MMP26: variants seen among roughly 807,000 people sequenced by gnomAD.
The protein encoded by MMP26 is matrix metalloproteinase-26.
A neutral mutation model predicts 31.0 loss-of-function variants in MMP26; 33 were observed. The ratio of observed to expected loss-of-function variants is 1.06; its 90% CI spans 0.81 to 1.42. MMP26 has a LOEUF of 1.42. Ranked by LOEUF, MMP26 falls within the 40% of genes most tolerant of loss-of-function variation. MMP26 has a pLI of 0.00. For synonymous variants in MMP26, 122 were observed against 114.9 expected (o/e 1.06, Z -0.40); for missense variants, 347 against 316.1 (o/e 1.10, Z -0.74).
intron 2 of MMP26, among the ~76,000 whole-genome samples, chr11:4,903,270 A>G (rs192974818): frequency 6.6e-6 from 1 of 152,100 alleles, no homozygotes; most frequent in Non-Finnish European, 1.5e-5. Flanking sequence ...ACAGAGTACG[A>G]CAGGCTATGT....
chr11:4,725,729 G>A (rs1245750974), intron 1 of MMP26, among the ~76,000 whole-genome samples: 1 of 152,208 alleles, frequency 6.6e-6, no homozygotes, highest in African/African-American at 2.4e-5. Context: ...GATCTGAGGT[G>A]GACAGTGAGT....
rs114707824 is a variant in MMP26 at position 4,811,091 on chromosome 11, G to T, written c.-145+43750G>T. Among the ~76,000 whole-genome samples the T allele has an allele frequency of 4.9e-3, 749 of 152,256 alleles. 6 individuals carry two copies. The highest frequency in any genetic ancestry group is 0.017 in the African/African-American group (708 of 41,550). On this transcript the variant is annotated intron_variant, in intron 2 of 7. Coordinates refer to ENST00000380390, the MANE Select transcript of MMP26 (RefSeq NM_021801.5). ...AAAATCAGAAGTACCATTTTCTGTT[G>T]TAGAGAGTCCAGGTATACAGGAAAT...
intron 2 of MMP26, chr11:4,881,786 A>G (rs995261378): frequency 1.0e-6 from 1 of 983,880 alleles, no homozygotes; most frequent in African/African-American, 1.6e-5. Flanking sequence ...ACAGAAGAAA[A>G]ATAACTACCT....
rs1452513808 is a variant in MMP26, at chr11:4,935,707, G to A, written c.-144-52361G>A. Among the ~76,000 whole-genome samples the A allele has an allele frequency of 1.5e-4, 23 of 150,106 alleles. No homozygotes were observed. In the East Asian group the frequency reaches 4.5e-3, roughly 30 times the overall value. ...TTGCCCATTCAGTATGATATTGGCT[G>A]TGGGTTTGTCATAGATAGCTCTTAT... On this transcript the variant is annotated intron_variant, in intron 2 of 7. Coordinates refer to ENST00000380390, the MANE Select transcript of MMP26 (RefSeq NM_021801.5).
intron 2 of MMP26, chr11:4,821,954 A>G (rs759547853): frequency 6.2e-7 from 1 of 1,613,974 alleles, no homozygotes; most frequent in South Asian, 1.1e-5. Flanking sequence ...GTCCTTTCAC[A>G]TTCTTACTGC....
chr11:4,983,600 T>C (rs959608882), intron 2 of MMP26, among the ~76,000 whole-genome samples: 6 of 152,178 alleles, frequency 3.9e-5, no homozygotes, highest in Non-Finnish European at 8.8e-5. Flanking sequence ...GCAGATCAAA[T>C]ACTATAGCCA....
At chr11:4,969,762 A>G (rs2133629378) in intron 2 of MMP26, among the ~76,000 whole-genome samples, 1 of 152,292 alleles carries the variant, frequency 6.6e-6, no homozygotes, top group Admixed American at 6.5e-5. Context: ...AACCCAAGTA[A>G]AGTAAAATAT....
At chr11:4,985,919 T>G (rs1368977436) in intron 2 of MMP26, among the ~76,000 whole-genome samples, 2 of 152,192 alleles carry the variant, frequency 1.3e-5, no homozygotes, top group Admixed American at 1.3e-4. Flanking sequence ...ACTCATTGCT[T>G]TCTGCAAAAT....
At chr11:4,766,044 A>C (rs1420777279) in intron 1 of MMP26, among the ~76,000 whole-genome samples, 4 of 152,196 alleles carry the variant, frequency 2.6e-5, no homozygotes, top group Non-Finnish European at 4.4e-5. Flanking sequence ...CCCTACATTG[A>C]TGCATTCTTG....
In MMP26 at chr11:4,955,304, A is replaced by G; in HGVS notation, c.-144-32764A>G. The stretch of plus-strand genomic sequence containing the variant: ...TTGGGCAACTCTGACAGTTGTCAGG[A>G]TTGAGGTGTATCTCAGAGGATTGTG... On this transcript the variant is annotated intron_variant, in intron 2 of 7. Coordinates refer to ENST00000380390, the MANE Select transcript of MMP26 (RefSeq NM_021801.5). 1.7e-6 allele frequency: 2 copies of G among 1,186,424 alleles called. 1 individual carries two copies. Among genetic ancestry groups the G allele is most frequent in the Non-Finnish European group, 2.4e-6 (2 of 838,116 alleles). 73.5% of individuals were successfully genotyped at this position (1,186,424 alleles called of 1,614,324 possible).
intron 2 of MMP26, among the ~76,000 whole-genome samples, chr11:4,817,909 C>G (rs1409829159): frequency 6.6e-6 from 1 of 152,084 alleles, no homozygotes; most frequent in Admixed American, 6.6e-5. Context: ...ACCTCTTCCT[C>G]TGTTGGGAGC....
At chr11:4,822,546 A>T (rs982256628) in intron 2 of MMP26, 1 of 520,578 alleles carries the variant, frequency 1.9e-6, no homozygotes. Context: ...GTCATTGCCA[A>T]CTAAATTATG....
At chr11:4,924,136 T>C (rs1851232167) in intron 2 of MMP26, 1 of 1,613,994 alleles carries the variant, frequency 6.2e-7, no homozygotes, top group South Asian at 1.1e-5. Flanking sequence ...CTGTGACAGC[T>C]AGCATGCCCA....
At chr11:4,774,167 G>T (rs1848761854) in intron 2 of MMP26, among the ~76,000 whole-genome samples, 1 of 152,142 alleles carries the variant, frequency 6.6e-6, no homozygotes, top group African/African-American at 2.4e-5. Context: ...TAATGGGATT[G>T]CTGGGTCAAA....
At chr11:4,915,702 A>G in intron 2 of MMP26, 1 of 1,463,982 alleles carries the variant, frequency 6.8e-7, no homozygotes, top group Non-Finnish European at 9.4e-7. Context: ...TGCCCTCCAA[A>G]ATCCTGAAGT....
intron 1 of MMP26, among the ~76,000 whole-genome samples, chr11:4,748,576 CA>C (rs376553434): frequency 0.17 from 20,357 of 122,522 alleles, 1,546 homozygotes; most frequent in Middle Eastern, 0.31. Flanking sequence ...AACAGCACAT[CA>C]AAAAAAAAAA....
intron 2 of MMP26, among the ~76,000 whole-genome samples, chr11:4,839,427 C>A (rs1849764685): frequency 6.6e-6 from 1 of 151,446 alleles, no homozygotes; most frequent in East Asian, 2.0e-4. Flanking sequence ...CCAAAAGAGA[C>A]CCCTTCCTTC....
chr11:4,912,081 G>T (rs183494039), intron 2 of MMP26, among the ~76,000 whole-genome samples: 1 of 152,064 alleles, frequency 6.6e-6, no homozygotes, highest in East Asian at 1.9e-4. Context: ...GTGGTTTTTC[G>T]TCTGTGTTAT....
At chr11:4,721,209 T>C (rs890790848) in intron 1 of MMP26, among the ~76,000 whole-genome samples, 1 of 152,136 alleles carries the variant, frequency 6.6e-6, no homozygotes, top group Non-Finnish European at 1.5e-5. Flanking sequence ...AGTAAGGTGC[T>C]TGTAACGCAA....
Sources: gnomAD v4.1 joint callset for allele counts (sites outside exome capture counted in the v4.1 genomes callset) on GRCh38, gnomAD v4.1.1 for gene constraint, MANE v1.5 for transcripts, NCBI Gene and HGNC (gene_info 2026-07-23, HGNC 2026-07-21) for gene names.